The following LHX6 variants were observed in gnomAD, a reference collection of about 807,000 sequenced individuals.
LHX6 encodes LIM/homeobox protein Lhx6.
A neutral mutation model predicts 47.1 loss-of-function variants in LHX6; 15 were observed. The observed-to-expected ratio is 0.32, with a 90% confidence interval of 0.21 to 0.49. The LOEUF is 0.49. Ranked by LOEUF, LHX6 falls within the 20% of genes least tolerant of loss-of-function variation. LHX6 has a pLI of 0.99. For missense variants in LHX6, 404 were observed against 539.6 expected (o/e 0.75, Z 2.49); for synonymous variants, 242 against 233.5 (o/e 1.04, Z -0.33).
At chr9:122,209,992 C>A (rs918596282) in intron 8 of LHX6, among the ~76,000 whole-genome samples, 4 of 152,104 alleles carry the variant, frequency 2.6e-5, no homozygotes, top group African/African-American at 9.7e-5. Context: ...TCTCCTGCCT[C>A]AGCCTCCCAA....
Position 122,204,676 on chromosome 9 carries a change from C to T in LHX6, c.*84G>A, listed in dbSNP as rs1404598743. 2 of 1,550,884 alleles carry T rather than the reference C, an allele frequency of 1.3e-6. No homozygotes were observed. The highest frequency in any genetic ancestry group is 4.8e-5 in the East Asian group (2 of 42,026). ...GGTGGATGCGGAGGTGGGTGGACTCCTGGCCGCAGCTTGGACACTGGATCT... is the reference window on the plus strand; with the variant it reads ...GGTGGATGCGGAGGTGGGTGGACTCTTGGCCGCAGCTTGGACACTGGATCT... On this transcript the variant is annotated 3_prime_UTR_variant, in exon 10 of 10. Coordinates refer to ENST00000394319, the MANE Select transcript of LHX6 (RefSeq NM_014368.5).
intron 4 of LHX6, among the ~76,000 whole-genome samples, chr9:122,225,058 C>T (rs1233133719): frequency 6.6e-6 from 1 of 152,180 alleles, no homozygotes; most frequent in Non-Finnish European, 1.5e-5. Context: ...GCCAACCTCC[C>T]CCTAGACTCA....
chr9:122,216,994 T>C, intron 5 of LHX6, 74 bp downstream of exon 5: 2 of 1,302,652 alleles, frequency 1.5e-6, no homozygotes, highest in South Asian at 2.6e-5. Context: ...GTGTGGGTGG[T>C]TCCTGGGGTG....
intron 4 of LHX6, chr9:122,221,709 G>A (rs978970823): frequency 4.4e-5 from 43 of 985,398 alleles, no homozygotes; most frequent in Middle Eastern, 5.2e-4. Flanking sequence ...TCCTGCCTAA[G>A]TGTTGCAAGA....
At chr9:122,227,141 A>G (rs777750533) in intron 2 of LHX6, 111 bp from the exon 3 acceptor site, 3 of 1,049,452 alleles carry the variant, frequency 2.9e-6, no homozygotes, top group Non-Finnish European at 4.0e-6. Context: ...AAATCTCCCC[A>G]GGACAATGCG....
intron 4 of LHX6, among the ~76,000 whole-genome samples, chr9:122,218,457 G>C (rs1830682780): frequency 6.6e-6 from 1 of 151,960 alleles, no homozygotes; most frequent in African/African-American, 2.4e-5. Context: ...GTATCTCTGG[G>C]ATCCATCTCC....
At chr9:122,221,591 G>T in intron 4 of LHX6, 1 of 985,716 alleles carries the variant, frequency 1.0e-6, no homozygotes, top group Non-Finnish European at 1.2e-6. Flanking sequence ...ACGAGGGGAA[G>T]CAGTTAACCC....
At chr9:122,216,903 CCCGGAAGTGCAAGATCTGTTCG>C (rs1830612330) in intron 5 of LHX6, among the ~76,000 whole-genome samples, 143 bp downstream of exon 5, 1 of 152,198 alleles carries the variant, frequency 6.6e-6, no homozygotes, top group South Asian at 2.1e-4. Flanking sequence ...AAAAGATCGA[CCCGGAAGTGCAAGATCTGTTCG>C]CCGCCCCACC....
chr9:122,228,663 G>A lies in LHX6; in HGVS notation c.78C>T (p.Thr26=). The A allele has an allele frequency of 7.7e-7, 1 of 1,297,518 alleles. No homozygotes were observed. The highest frequency in any genetic ancestry group is 2.5e-5 in the South Asian group (1 of 40,556). 80.4% of individuals were successfully genotyped at this position (1,297,518 alleles called of 1,614,324 possible). A position where few individuals can be genotyped will look rare whatever the true frequency, so the allele number is the denominator to read the frequency against. The part of the protein sequence containing the change: ...CRLPAEGGPA[T]DQVMAQPGSG... Reference sequence around the variant, plus strand: ...CAGTCGTTCGCCGGCTCACCTGGTCGGTGGCGGGGCCGCCCTCGGCCGGCA... The same window carrying A: ...CAGTCGTTCGCCGGCTCACCTGGTCAGTGGCGGGGCCGCCCTCGGCCGGCA... The change falls in exon 1 of 10, where the codon ACC becomes ACT. Residue 26 remains threonine, a synonymous_variant. Coordinates refer to ENST00000394319, the MANE Select transcript of LHX6 (RefSeq NM_014368.5).
At position 122,214,995 on chromosome 9, in the gene LHX6, C is replaced by T. The variant is rs1004308; in HGVS notation, c.683-612G>A. On this transcript the variant is annotated intron_variant, in intron 5 of 9. Coordinates refer to ENST00000394319, the MANE Select transcript of LHX6 (RefSeq NM_014368.5). The surrounding 1 kb of genome is among the most constrained non-coding windows in gnomAD (Gnocchi z 4.6). ...TTCTGTAAGGTTTAATTTTGTTAACCGGCGTATATGTTAGATATTCTCTTT... is the reference window on the plus strand; with the variant it reads ...TTCTGTAAGGTTTAATTTTGTTAACTGGCGTATATGTTAGATATTCTCTTT... 0.17 allele frequency among the ~76,000 whole-genome samples: 26,267 copies of T among 152,076 alleles called. 2,564 individuals carry two copies. The highest frequency in any genetic ancestry group is 0.29 in the East Asian group (1,516 of 5,172).
chr9:122,221,661 T>C, intron 4 of LHX6: 2 of 985,458 alleles, frequency 2.0e-6, no homozygotes, highest in Non-Finnish European at 1.2e-6. Flanking sequence ...TGACCTGATA[T>C]TGACAAAGGT....
chr9:122,228,094 C>T (rs1200676402), intron 1 of LHX6: 2 of 603,786 alleles, frequency 3.3e-6, no homozygotes, highest in African/African-American at 1.9e-5. Context: ...AAACCCCGAG[C>T]GCGGTGAGCA....
At chr9:122,211,930 T>C (rs1830411664) in intron 8 of LHX6, among the ~76,000 whole-genome samples, 1 of 152,156 alleles carries the variant, frequency 6.6e-6, no homozygotes, top group Admixed American at 6.5e-5. Flanking sequence ...ATAGTTATTG[T>C]TTAGAAAAGA....
rs1010056779 is a variant in LHX6, at chr9:122,204,405, A to C, written c.*355T>G. The C allele has an allele frequency of 2.9e-6, 1 of 342,436 alleles. No homozygotes were observed. Among genetic ancestry groups the C allele is most frequent in the Non-Finnish European group, 5.3e-6 (1 of 190,096 alleles). The allele number at this position is 342,436 out of a possible 1,614,324, so 21.2% of individuals were successfully genotyped here. On this transcript the variant is annotated 3_prime_UTR_variant, in exon 10 of 10. Transcript: ENST00000394319. ...CCAATGTGGGGGAAAAAAACCTGTA[A>C]ATGAGAAGGCCGTTGGCATCGCACA...
chr9:122,226,296 C>A lies in LHX6; in HGVS notation c.461+80G>T, dbSNP rs1221509620. The A allele has an allele frequency of 6.6e-7, 1 of 1,523,312 alleles. No homozygotes were observed. The highest frequency in any genetic ancestry group is 8.8e-7 in the Non-Finnish European group (1 of 1,132,844). 94.4% of individuals were successfully genotyped at this position (1,523,312 alleles called of 1,614,324 possible). ...GGACGCCGGGGTTCTGGAGGAGAGACCACACGCCGCAAAAGTGGCCTCCGA... is the reference window on the plus strand; with the variant it reads ...GGACGCCGGGGTTCTGGAGGAGAGAACACACGCCGCAAAAGTGGCCTCCGA... On this transcript the variant is annotated intron_variant, in intron 4 of 9. Coordinates refer to ENST00000394319, the MANE Select transcript of LHX6 (RefSeq NM_014368.5). The surrounding 1 kb of genome is among the most constrained non-coding windows in gnomAD (Gnocchi z 6.5).
At position 122,203,807 on chromosome 9, in the gene LHX6, T is replaced by C. The variant is rs1830068844; in HGVS notation, c.*953A>G. 1 of 152,632 alleles carries C rather than the reference T, an allele frequency of 6.6e-6. No individual in the cohort carries two copies. The highest frequency in any genetic ancestry group is 2.4e-5 in the African/African-American group (1 of 41,440). The allele number at this position is 152,632 out of a possible 1,614,324, so 9.5% of individuals were successfully genotyped here. On this transcript the variant is annotated 3_prime_UTR_variant, in exon 10 of 10. Coordinates refer to ENST00000394319, the MANE Select transcript of LHX6 (RefSeq NM_014368.5). Reference sequence around the variant, plus strand: ...ACTGGGCTCTGTTCCCTCTCCCCTATAAGGGATTCCCCTTCCATTGAGAAG... The same window carrying C: ...ACTGGGCTCTGTTCCCTCTCCCCTACAAGGGATTCCCCTTCCATTGAGAAG...
intron 9 of LHX6, among the ~76,000 whole-genome samples, chr9:122,209,314 T>C (rs1417532174): frequency 1.3e-5 from 2 of 152,202 alleles, no homozygotes; most frequent in African/African-American, 4.8e-5. Flanking sequence ...TGATGAGTGA[T>C]ATAAGCCCTC....
Position 122,217,279 on chromosome 9 carries a change from C to T in LHX6, c.471G>A (p.Gly157=). The change falls in exon 5 of 10, where the codon GGG becomes GGA. Residue 157 remains glycine (G), a synonymous_variant. Coordinates refer to ENST00000394319, the MANE Select transcript of LHX6 (RefSeq NM_014368.5). The surrounding 1 kb of genome is among the most constrained non-coding windows in gnomAD (Gnocchi z 4.9). ...GTCGGCCGCACCGGGCACACTTGGT[C>T]CCGAATCGGCTGCAGGTCGAGAGGA... ...FCKMDYFSRF[G]TKCARCGRQI... 6.2e-7 allele frequency: 1 copy of T among 1,610,948 alleles called. No individual in the cohort carries two copies. Among genetic ancestry groups the T allele is most frequent in the Non-Finnish European group, 8.5e-7 (1 of 1,179,182 alleles).
At position 122,228,862 on chromosome 9, in the gene LHX6, G is replaced by T; in HGVS notation, c.-122C>A. On this transcript the variant is annotated 5_prime_UTR_variant, in exon 1 of 10. Transcript: ENST00000394319. Reference sequence around the variant, plus strand: ...GGAGGAGAGCCGAGGCGCCGGCCCCGCCGCCCCGGGCCCGGCCTCAGCCCC... The same window carrying T: ...GGAGGAGAGCCGAGGCGCCGGCCCCTCCGCCCCGGGCCCGGCCTCAGCCCC... 1 of 554,570 alleles carries T rather than the reference G, an allele frequency of 1.8e-6. No individual in the cohort carries two copies. Among genetic ancestry groups the T allele is most frequent in the Non-Finnish European group, 2.5e-6 (1 of 396,614 alleles). 34.4% of individuals were successfully genotyped at this position (554,570 alleles called of 1,614,324 possible).
Sources: allele counts gnomAD v4.1 joint callset (sites outside exome capture counted in the v4.1 genomes callset), GRCh38; gene constraint gnomAD v4.1.1; non-coding constraint Gnocchi (gnomAD v3.1); transcripts MANE v1.5; gene names NCBI Gene and HGNC (gene_info 2026-07-23, HGNC 2026-07-21).